PUM2: variants seen among roughly 807,000 people sequenced by gnomAD.
The protein encoded by PUM2 is pumilio homolog 2.
PUM2 carries 57 observed loss-of-function variants against 124.5 expected under a neutral mutation model. The ratio of observed to expected loss-of-function variants is 0.46; its 90% CI spans 0.37 to 0.57. The LOEUF (loss-of-function observed/expected upper bound fraction) is 0.57, where lower values mean the gene tolerates loss of function less well. Ranked by LOEUF, PUM2 falls within the 20% of genes least tolerant of loss-of-function variation. The pLI is 0.00. For synonymous variants in PUM2, 460 were observed against 446.1 expected (o/e 1.03, Z -0.39); for missense variants, 1,065 against 1,290.6 (o/e 0.83, Z 2.68).
Position 20,312,394 on chromosome 2 carries a change from G to C in PUM2, c.190C>G (p.Gln64Glu). 1 of 1,613,584 alleles carries C rather than the reference G, an allele frequency of 6.2e-7. No homozygotes were observed. Among genetic ancestry groups the C allele is most frequent in the Non-Finnish European group, 8.5e-7 (1 of 1,179,724 alleles). Reference sequence around the variant, plus strand: ...TGAAAACCCTGTCCAGATCTTCTCTGTACCATAATAGGCTGGGACATTGAA... The same window carrying C: ...TGAAAACCCTGTCCAGATCTTCTCTCTACCATAATAGGCTGGGACATTGAA... ...HHSMSQPIMV[Q>E]RRSGQGFHGN... Residue 64 changes from glutamine (Q) to glutamate (E), a missense_variant, in exon 4 of 21, where the codon CAG becomes GAG. This residue lies in a region of PUM2 where 90 missense variants were observed against 103.6 expected (regional missense o/e 0.87). Coordinates refer to ENST00000361078, the MANE Select transcript of PUM2 (RefSeq NM_015317.5).
At position 20,290,633 on chromosome 2, in the gene PUM2, C is replaced by T. The variant is rs778481588; in HGVS notation, c.1291+19G>A. On this transcript the variant is annotated intron_variant, in intron 10 of 20. Transcript: ENST00000361078. ...CATCTGAAATCTATTCAAATTTCCACAAATGACCAATTGTATACCTGGCAT... is the reference window on the plus strand; with the variant it reads ...CATCTGAAATCTATTCAAATTTCCATAAATGACCAATTGTATACCTGGCAT... 4 of 1,589,904 alleles carry T rather than the reference C, an allele frequency of 2.5e-6. No individual in the cohort carries two copies. In the African/African-American group the frequency reaches 5.4e-5, roughly 22 times the overall value.
intron 19 of PUM2, 60 bp downstream of exon 19, chr2:20,254,803 A>T (rs1664368202): frequency 6.5e-7 from 1 of 1,535,204 alleles, no homozygotes; most frequent in South Asian, 1.2e-5. Flanking sequence ...TTCTGTGATA[A>T]CTAATAAAAG....
rs1663016102 is a variant in PUM2, at chr2:20,250,361, T to G, written c.*1224A>C. 1 of 152,520 alleles carries G rather than the reference T, an allele frequency of 6.6e-6. No homozygotes were observed. Among genetic ancestry groups the G allele is most frequent in the Non-Finnish European group, 1.5e-5 (1 of 68,004 alleles). The allele number at this position is 152,520 out of a possible 1,614,324, so 9.4% of individuals were successfully genotyped here. On this transcript the variant is annotated 3_prime_UTR_variant, in exon 21 of 21. Transcript: ENST00000361078. ...CATTATACAACACTATATTGCCAGG[T>G]CAAAGAGGGCAGGGACGTAAATGTA... is the stretch of plus-strand genomic sequence containing the variant.
At position 20,308,340 on chromosome 2, in the gene PUM2, G is replaced by C. The variant is rs1405452844; in HGVS notation, c.763C>G (p.Leu255Val). The change falls in exon 6 of 21, where the codon CTT becomes GTT. Residue 255 changes from leucine (L) to valine (V), a missense_variant. Leu to Val is a conservative substitution (Grantham distance 32, BLOSUM62 1). Coordinates refer to ENST00000361078, the MANE Select transcript of PUM2 (RefSeq NM_015317.5). ...TGCTGCTGGGAATTGTAGTCAAAAA[G>C]GCCTACAGTAGCTCCTGAAGAGTCC... The part of the protein sequence containing the change: ...PMDSSGATVG[L>V]FDYNSQQQLF... 2 of 1,613,844 alleles carry C rather than the reference G, an allele frequency of 1.2e-6. No individual in the cohort carries two copies. Among genetic ancestry groups the C allele is most frequent in the South Asian group, 2.2e-5 (2 of 91,062 alleles).
At chr2:20,283,531 A>G in intron 10 of PUM2, 45 bp from the exon 11 acceptor site, 1 of 1,549,614 alleles carries the variant, frequency 6.5e-7, no homozygotes, top group Non-Finnish European at 8.8e-7. Flanking sequence ...TATTACAAAA[A>G]CATGCATATT....
intron 14 of PUM2, among the ~76,000 whole-genome samples, chr2:20,262,229 T>C (rs1016156003): frequency 1.3e-5 from 2 of 152,262 alleles, no homozygotes; most frequent in African/African-American, 4.8e-5. Flanking sequence ...CCTTCGCATA[T>C]ACTCACAACT....
At chr2:20,315,861 A>C (rs1680807357) in intron 3 of PUM2, among the ~76,000 whole-genome samples, 1 of 150,702 alleles carries the variant, frequency 6.6e-6, no homozygotes, top group African/African-American at 2.4e-5. Context: ...AAAAAAAACA[A>C]ACCAAAAAAC....
At chr2:20,260,254 T>A in intron 15 of PUM2, 83 bp downstream of exon 15, 4 of 1,354,996 alleles carry the variant, frequency 3.0e-6, no homozygotes, top group Non-Finnish European at 3.9e-6. Context: ...TGAAAATGAC[T>A]TTACCCAACT....
At chr2:20,320,331 C>T (rs992054210) in intron 2 of PUM2, among the ~76,000 whole-genome samples, 1 of 151,974 alleles carries the variant, frequency 6.6e-6, no homozygotes, top group African/African-American at 2.4e-5. Context: ...ACCTTGGAGT[C>T]AAAAGGATCT....
intron 1 of PUM2, among the ~76,000 whole-genome samples, chr2:20,330,835 G>A (rs1317481562): frequency 6.6e-6 from 1 of 152,184 alleles, no homozygotes; most frequent in African/African-American, 2.4e-5. Context: ...AAGTCTTATT[G>A]GCCCAAGCCC....
In PUM2 at chr2:20,316,867, C is replaced by G. The variant is rs116201748; in HGVS notation, c.160+1670G>C. ...CTAACATGGCGAAACTCCATCTTTACGAAAAATATGAAAATTAGCAGGCTG... is the reference window on the plus strand; with the variant it reads ...CTAACATGGCGAAACTCCATCTTTAGGAAAAATATGAAAATTAGCAGGCTG... On this transcript the variant is annotated intron_variant, in intron 3 of 20. Transcript: ENST00000361078. 1.6e-3 allele frequency among the ~76,000 whole-genome samples: 250 copies of G among 152,084 alleles called. 1 individual carries two copies. The highest frequency in any genetic ancestry group is 5.7e-3 in the African/African-American group (237 of 41,492).
intron 2 of PUM2, among the ~76,000 whole-genome samples, chr2:20,322,322 C>T (rs1290280695): frequency 1.3e-5 from 2 of 152,138 alleles, no homozygotes; most frequent in Non-Finnish European, 2.9e-5. Flanking sequence ...GGAGCAGAGA[C>T]TCATGCCTGT....
chr2:20,309,794 A>G (rs1183269282), intron 5 of PUM2, among the ~76,000 whole-genome samples: 1 of 152,150 alleles, frequency 6.6e-6, no homozygotes, highest in Non-Finnish European at 1.5e-5. Context: ...ATTTGCTAAC[A>G]TATAGAGTAG....
chr2:20,300,384 G>A (rs1676685739), intron 7 of PUM2, among the ~76,000 whole-genome samples: 1 of 152,130 alleles, frequency 6.6e-6, no homozygotes, highest in Non-Finnish European at 1.5e-5. Context: ...CCCGACCTCA[G>A]GTGATCCGCC....
intron 16 of PUM2, 72 bp from the exon 17 acceptor site, chr2:20,256,242 T>C: frequency 7.4e-7 from 1 of 1,352,012 alleles, no homozygotes; most frequent in East Asian, 3.0e-5. Flanking sequence ...ATCTCAGTAT[T>C]AAAAATTAAA....
In PUM2 at chr2:20,294,396, C is replaced by T. The variant is rs752685307; in HGVS notation, c.1132G>A (p.Ala378Thr). 1 of 1,614,072 alleles carries T rather than the reference C, an allele frequency of 6.2e-7. No individual in the cohort carries two copies. The highest frequency in any genetic ancestry group is 2.2e-5 in the East Asian group (1 of 44,876). The part of the protein sequence containing the change: ...NTASQQAASQ[A>T]QPGQQQVLRA... Reference sequence around the variant, plus strand: ...CCTACCTGTTGCTGTCCAGGCTGAGCTTGTGATGCTGCTTGCTGACTGGCT... The same window carrying T: ...CCTACCTGTTGCTGTCCAGGCTGAGTTTGTGATGCTGCTTGCTGACTGGCT... The change falls in exon 9 of 21, where the codon GCT becomes ACT. Residue 378 changes from alanine (A) to threonine (T), a missense_variant. Physicochemically the swap from Ala to Thr is moderately conservative, Grantham distance 58. This residue lies in a region of PUM2 where 968 missense variants were observed against 1,159.8 expected (regional missense o/e 0.83). Transcript: ENST00000361078.
chr2:20,310,157 T>C (rs1679286480), intron 5 of PUM2, among the ~76,000 whole-genome samples: 1 of 152,120 alleles, frequency 6.6e-6, no homozygotes, highest in Non-Finnish European at 1.5e-5. Flanking sequence ...ATAGTGACCG[T>C]ATGACCACAG....
chr2:20,278,709 T>C lies in PUM2; in HGVS notation c.1831A>G (p.Asn611Asp). 1 of 1,613,576 alleles carries C rather than the reference T, an allele frequency of 6.2e-7. No homozygotes were observed. Among genetic ancestry groups the C allele is most frequent in the Admixed American group, 1.7e-5 (1 of 59,916 alleles). The change falls in exon 13 of 21, where the codon AAT becomes GAT. Residue 611 changes from asparagine to aspartate, a missense_variant. By Grantham distance (23) the Asn-to-Asp change is conservative. Around this residue, in one of 3 missense-constraint regions of PUM2, gnomAD observed 968 missense variants for 1,159.8 expected, o/e 0.83. Coordinates refer to ENST00000361078, the MANE Select transcript of PUM2 (RefSeq NM_015317.5). ...GGAGAGGAGGAAAATCCCAGACTATTGTAAAATGGTTGCCCTATGGGTGCT... is the reference window on the plus strand; with the variant it reads ...GGAGAGGAGGAAAATCCCAGACTATCGTAAAATGGTTGCCCTATGGGTGCT... ...SLAPIGQPFY[N>D]SLGFSSSPSP...
rs1380315630 is a variant in PUM2, at chr2:20,251,134, A to C, written c.*451T>G. On this transcript the variant is annotated 3_prime_UTR_variant, in exon 21 of 21. Transcript: ENST00000361078. ...TATAAAAGGTTTCACGCAAAGGAAAAAAATAAGGACTATAATTCTATATAC... is the reference window on the plus strand; with the variant it reads ...TATAAAAGGTTTCACGCAAAGGAAACAAATAAGGACTATAATTCTATATAC... The C allele has an allele frequency of 6.5e-6, 1 of 152,750 alleles. No individual in the cohort carries two copies. Among genetic ancestry groups the C allele is most frequent in the Non-Finnish European group, 1.5e-5 (1 of 68,158 alleles). The allele number at this position is 152,750 out of a possible 1,614,324, so 9.5% of individuals were successfully genotyped here.
Sources: gnomAD v4.1 joint callset for allele counts (sites outside exome capture counted in the v4.1 genomes callset) on GRCh38, gnomAD v4.1.1 for gene constraint, gnomAD v4.1.1 regional missense constraint, MANE v1.5 for transcripts, NCBI Gene and HGNC (gene_info 2026-07-23, HGNC 2026-07-21) for gene names.